The following RIN2 variants were observed in gnomAD, a reference collection of about 807,000 sequenced individuals.
RIN2 encodes the protein Ras and Rab interactor 2, also known as RAB5 interacting protein 2.
Under a neutral mutation model 78.0 loss-of-function variants are expected in RIN2, and 36 were observed. The ratio of observed to expected loss-of-function variants is 0.46; its 90% CI spans 0.35 to 0.61. RIN2 has a LOEUF of 0.61. Ranked by LOEUF, RIN2 falls within the 20% of genes least tolerant of loss-of-function variation. The pLI, the probability that RIN2 is intolerant of heterozygous loss-of-function variation, is 0.00. For missense variants in RIN2, 1,087 were observed against 1,159.7 expected (o/e 0.94, Z 0.91); for synonymous variants, 466 against 466.8 (o/e 1.00, Z 0.02).
intron 5 of RIN2, among the ~76,000 whole-genome samples, chr20:19,957,658 C>G (rs2041595844): frequency 6.6e-6 from 1 of 150,876 alleles, no homozygotes; most frequent in African/African-American, 2.4e-5. Flanking sequence ...GTCTGGGCGA[C>G]AGAGCAAGAA....
chr20:19,834,309 C>T (rs911060800), intron 2 of RIN2, among the ~76,000 whole-genome samples: 1 of 152,174 alleles, frequency 6.6e-6, no homozygotes, highest in Admixed American at 6.5e-5. Context: ...GCAACTGGGA[C>T]CCATTTTTGC....
chr20:19,819,558 G>C (rs1357443297), intron 2 of RIN2, among the ~76,000 whole-genome samples: 1 of 152,182 alleles, frequency 6.6e-6, no homozygotes, highest in African/African-American at 2.4e-5. Flanking sequence ...AATCGTATAT[G>C]TATGAGACAA....
intron 2 of RIN2, among the ~76,000 whole-genome samples, chr20:19,880,760 G>T (rs958932420): frequency 6.6e-6 from 1 of 152,128 alleles, no homozygotes; most frequent in African/African-American, 2.4e-5. Context: ...CATTTACTGA[G>T]CACATACGTA....
chr20:19,782,265 T>C (rs1300802924), intron 1 of RIN2, among the ~76,000 whole-genome samples: 2 of 152,200 alleles, frequency 1.3e-5, no homozygotes, highest in Non-Finnish European at 2.9e-5. Context: ...AGGCATGAGA[T>C]ACGTATTTTA....
At chr20:19,996,619 T>G in intron 11 of RIN2, 60 bp from the exon 12 acceptor site, 1 of 1,552,570 alleles carries the variant, frequency 6.4e-7, no homozygotes, top group Non-Finnish European at 8.9e-7. Flanking sequence ...TGGCATCCCC[T>G]GTTATCACCC....
chr20:19,792,090 G>C (rs4813372), intron 1 of RIN2, among the ~76,000 whole-genome samples: 47,441 of 152,084 alleles, frequency 0.31, 9,937 homozygotes, highest in African/African-American at 0.61. Flanking sequence ...AAGGCCAAGT[G>C]GACAGTATGA....
At chr20:19,933,855 C>T (rs979112815) in intron 3 of RIN2, among the ~76,000 whole-genome samples, 3 of 152,280 alleles carry the variant, frequency 2.0e-5, no homozygotes, top group Middle Eastern at 3.4e-3. Flanking sequence ...GTCGCCCAGG[C>T]TGGAGTGCAG....
At chr20:19,773,269 A>G (rs1423845851) in intron 1 of RIN2, among the ~76,000 whole-genome samples, 2 of 152,214 alleles carry the variant, frequency 1.3e-5, no homozygotes, top group Non-Finnish European at 2.9e-5. Context: ...TTAAATCTGC[A>G]TAGACCCCAT....
chr20:19,947,988 C>T (rs13039905), intron 4 of RIN2, among the ~76,000 whole-genome samples: 13,835 of 152,258 alleles, frequency 0.091, 683 homozygotes, highest in Non-Finnish European at 0.094. Flanking sequence ...AGATACAAGC[C>T]GAAAGCCAAG....
At chr20:19,884,873 A>T (rs1003771637) in intron 2 of RIN2, among the ~76,000 whole-genome samples, 1 of 152,170 alleles carries the variant, frequency 6.6e-6, no homozygotes, top group Non-Finnish European at 1.5e-5. Flanking sequence ...CAGGCAAAAA[A>T]AGTGAGATGC....
In RIN2 at chr20:19,996,737, A is replaced by G; in HGVS notation, c.2259A>G (p.Glu753=). 2 of 1,613,988 alleles carry G rather than the reference A, an allele frequency of 1.2e-6. No individual in the cohort carries two copies. The highest frequency in any genetic ancestry group is 1.7e-6 in the Non-Finnish European group (2 of 1,179,894). The change falls in exon 12 of 13, where the codon GAA becomes GAG. Residue 753 remains glutamate (E), a synonymous_variant. Coordinates refer to ENST00000255006, the MANE Select transcript of RIN2 (RefSeq NM_018993.4). ...TTTCTCTGATAAAGAATTTCCAAGA[A>G]GAACAAGCAGCGCGACTGCTCAGCT... The part of the protein sequence containing the change: ...GALSLIKNFQ[E]EQAARLLSSE...
At chr20:19,784,118 G>C (rs954371565) in intron 1 of RIN2, among the ~76,000 whole-genome samples, 3 of 152,208 alleles carry the variant, frequency 2.0e-5, no homozygotes, top group Non-Finnish European at 4.4e-5. Context: ...CTACCCCAAG[G>C]CAACTGGAAA....
At chr20:19,847,717 T>G (rs147875754) in intron 2 of RIN2, among the ~76,000 whole-genome samples, 2 of 152,368 alleles carry the variant, frequency 1.3e-5, no homozygotes, top group Non-Finnish European at 2.9e-5. Context: ...AAGTGGCATT[T>G]TAGATATATT....
At chr20:19,849,017 G>C (rs568069622) in intron 2 of RIN2, among the ~76,000 whole-genome samples, 1 of 152,168 alleles carries the variant, frequency 6.6e-6, no homozygotes, top group South Asian at 2.1e-4. Flanking sequence ...CATCCATTCC[G>C]TACAATGGTC....
At chr20:19,983,302 G>A (rs143361277) in intron 9 of RIN2, among the ~76,000 whole-genome samples, 8 of 152,188 alleles carry the variant, frequency 5.3e-5, no homozygotes, top group East Asian at 1.9e-4. Context: ...CTGACTTGTC[G>A]GAAATAGAAG....
chr20:19,760,426 G>A (rs921363217), intron 1 of RIN2, among the ~76,000 whole-genome samples: 1 of 151,766 alleles, frequency 6.6e-6, no homozygotes, highest in Non-Finnish European at 1.5e-5. Flanking sequence ...TAGGGCAGGT[G>A]GGAGGGAGCT....
chr20:19,996,813 C>T lies in RIN2; in HGVS notation c.2335C>T (p.Arg779Trp), dbSNP rs763129078. 12 of 1,603,798 alleles carry T rather than the reference C, an allele frequency of 7.5e-6. No individual in the cohort carries two copies. Among genetic ancestry groups the T allele is most frequent in the Middle Eastern group, 1.7e-4 (1 of 5,970 alleles). ...GTGGCACAAACGGAGAACCACCAAC[C>T]GGACCATCCCCTCTGTGGACGACTT... is the stretch of plus-strand genomic sequence containing the variant. ...RQWHKRRTTN[R>W]TIPSVDDFQN... Residue 779 changes from arginine (R) to tryptophan (W), a missense_variant, in exon 12 of 13, where the codon CGG (arginine) becomes TGG (tryptophan). By Grantham distance (101) the Arg-to-Trp change is moderately radical (BLOSUM62 -3). This residue lies in a region of RIN2 where 160 missense variants were observed against 179.4 expected (regional missense o/e 0.89). Coordinates refer to ENST00000255006, the MANE Select transcript of RIN2 (RefSeq NM_018993.4).
In RIN2 at chr20:20,000,735, G is replaced by A; in HGVS notation, c.2487G>A (p.Gly829=). The change falls in exon 13 of 13, where the codon GGG becomes GGA. Residue 829 remains glycine, a synonymous_variant. Coordinates refer to ENST00000255006, the MANE Select transcript of RIN2 (RefSeq NM_018993.4). ...CQICAEKFKV[G]DPEEYSLFLF... ...TCTGCGCTGAGAAGTTCAAGGTGGG[G>A]GACCCTGAGGAGTACAGCCTCTTTC... 1.2e-6 allele frequency: 2 copies of A among 1,613,938 alleles called. No homozygotes were observed. The highest frequency in any genetic ancestry group is 1.7e-6 in the Non-Finnish European group (2 of 1,179,878).
Position 19,990,148 on chromosome 20 carries a change from T to A in RIN2, c.1905T>A (p.Asn635Lys). ...ACCTGCAGCTTGTGCGGCAGAGGAA[T>A]CCGCAGGAGCTGGGGGTCTTCGCCC... Reference protein sequence around the residue: ...KENLQLVRQRNPQELGVFAPT... With the variant: ...KENLQLVRQRKPQELGVFAPT... Residue 635 changes from asparagine (N) to lysine (K), a missense_variant, in exon 10 of 13, where the codon AAT becomes AAA. By Grantham distance (94) the Asn-to-Lys change is moderately conservative. Around this residue, in one of 8 missense-constraint regions of RIN2, gnomAD observed 97 missense variants for 104.8 expected, o/e 0.93. Coordinates refer to ENST00000255006, the MANE Select transcript of RIN2 (RefSeq NM_018993.4). 1 of 1,603,302 alleles carries A rather than the reference T, an allele frequency of 6.2e-7. No individual in the cohort carries two copies. Among genetic ancestry groups the A allele is most frequent in the African/African-American group, 1.3e-5 (1 of 74,894 alleles).
Sources: allele counts gnomAD v4.1 joint callset (sites outside exome capture counted in the v4.1 genomes callset), GRCh38; gene constraint gnomAD v4.1.1; regional missense constraint gnomAD v4.1.1; transcripts MANE v1.5; gene names NCBI Gene and HGNC (gene_info 2026-07-23, HGNC 2026-07-21).